CSMD1: variants seen among roughly 807,000 people sequenced by gnomAD.
The protein encoded by CSMD1 is CUB and sushi domain-containing protein 1.
A neutral mutation model predicts 417.5 loss-of-function variants in CSMD1; 213 were observed. The observed-to-expected ratio is 0.51, with a 90% CI of 0.46 to 0.57. The LOEUF (loss-of-function observed/expected upper bound fraction) is 0.57, where lower values mean the gene tolerates loss of function less well. Among genes scored for constraint, CSMD1 ranks in the 20% least tolerant of loss-of-function variants. CSMD1 has a pLI of 0.00. For missense variants in CSMD1, 6,923 were observed against 4,529.7 expected (o/e 1.53, Z -15.17); for synonymous variants, 2,862 against 1,736.8 (o/e 1.65, Z -16.11).
At chr8:4,552,850 T>C (rs1797932983) in intron 2 of CSMD1, among the ~76,000 whole-genome samples, 3 of 152,178 alleles carry the variant, frequency 2.0e-5, no homozygotes. Context: ...GCTGGATGTT[T>C]GTGAAAATCT....
At position 4,400,098 on chromosome 8, in the gene CSMD1, T is replaced by G. The variant is rs376673516; in HGVS notation, c.415+19855A>C. 1.2e-4 allele frequency among the ~76,000 whole-genome samples: 18 copies of G among 152,230 alleles called. No individual in the cohort carries two copies. The South Asian group carries it at 3.3e-3, about 28-fold the overall frequency. On this transcript the variant is annotated intron_variant, in intron 3 of 69. Coordinates refer to ENST00000635120, the MANE Select transcript of CSMD1 (RefSeq NM_033225.6). The stretch of plus-strand genomic sequence containing the variant: ...AAGAGAGATCTAAATACGAGTACAT[T>G]AAAATAGTGTATACTCTCTGCTCTA...
chr8:3,461,942 C>T (rs1326283564), intron 12 of CSMD1, among the ~76,000 whole-genome samples: 1 of 152,222 alleles, frequency 6.6e-6, no homozygotes, highest in African/African-American at 2.4e-5. Context: ...GAGGCAGATC[C>T]TCACATGGGC....
At position 3,641,212 on chromosome 8, in the gene CSMD1, G is replaced by A. The variant is rs540565252; in HGVS notation, c.1010-24415C>T. Among the ~76,000 whole-genome samples, 6 of 152,018 alleles carry A rather than the reference G, an allele frequency of 3.9e-5. No homozygotes were observed. The South Asian group carries it at 1.2e-3, about 32-fold the overall frequency. On this transcript the variant is annotated intron_variant, in intron 7 of 69. Transcript: ENST00000635120. The stretch of plus-strand genomic sequence containing the variant: ...TGACTGGGGTACATTGCCTTTTCCA[G>A]ACTTTCCACTTGGCTGCTTCTCTGT...
rs1394941868 is a variant in CSMD1, at chr8:3,087,189, G to A, written c.7382C>T (p.Pro2461Leu). Residue 2461 changes from proline to leucine, a missense_variant, in exon 49 of 70, where the codon CCT (proline) becomes CTT (leucine). Coordinates refer to ENST00000635120, the MANE Select transcript of CSMD1 (RefSeq NM_033225.6). ...VGSKVHYFCK[P>L]GYRMVGHSNA... ...GCTGTGGCCGACCATTCGGTATCCA[G>A]GCTTGCAAAAATAATGCACTTTGCT... 1 of 1,613,958 alleles carries A rather than the reference G, an allele frequency of 6.2e-7. No individual in the cohort carries two copies. Among genetic ancestry groups the A allele is most frequent in the Middle Eastern group, 1.7e-4 (1 of 6,040 alleles).
intron 1 of CSMD1, among the ~76,000 whole-genome samples, chr8:4,645,659 G>C (rs2130880060): frequency 6.6e-6 from 1 of 152,084 alleles, no homozygotes; most frequent in South Asian, 2.1e-4. Flanking sequence ...TAGGAAGCAG[G>C]GGTAGACACA....
At chr8:4,458,684 A>G (rs918607755) in intron 2 of CSMD1, among the ~76,000 whole-genome samples, 11 of 152,212 alleles carry the variant, frequency 7.2e-5, no homozygotes, top group African/African-American at 2.7e-4. Flanking sequence ...ACTAACCAAA[A>G]CTGCAGCAAA....
intron 26 of CSMD1, among the ~76,000 whole-genome samples, chr8:3,233,334 C>A (rs956096094): frequency 2.0e-5 from 3 of 152,170 alleles, no homozygotes; most frequent in Non-Finnish European, 2.9e-5. Context: ...GCATGCTCAG[C>A]CCCTCGCCAG....
intron 3 of CSMD1, among the ~76,000 whole-genome samples, chr8:4,331,374 T>G (rs1799860455): frequency 6.6e-6 from 1 of 152,170 alleles, no homozygotes; most frequent in Non-Finnish European, 1.5e-5. Context: ...GTCACGTGTG[T>G]TTGTTGCGAG....
intron 2 of CSMD1, among the ~76,000 whole-genome samples, chr8:4,575,587 G>A (rs932026395): frequency 2.0e-5 from 3 of 152,150 alleles, no homozygotes; most frequent in Non-Finnish European, 4.4e-5. Context: ...TGTCCACTGT[G>A]AATTCATTAT....
intron 17 of CSMD1, among the ~76,000 whole-genome samples, chr8:3,390,604 C>G (rs1162018506): frequency 6.6e-6 from 1 of 151,912 alleles, no homozygotes; most frequent in Non-Finnish European, 1.5e-5. Flanking sequence ...CTCCTTCTTA[C>G]TTGAACCTTA....
At chr8:4,856,932 G>A (rs1347722216) in intron 1 of CSMD1, among the ~76,000 whole-genome samples, 1 of 152,016 alleles carries the variant, frequency 6.6e-6, no homozygotes. Flanking sequence ...GAAATCTACA[G>A]AACTCTCCAC....
intron 36 of CSMD1, among the ~76,000 whole-genome samples, chr8:3,182,481 C>G (rs1821397598): frequency 1.3e-5 from 2 of 152,092 alleles, no homozygotes; most frequent in Admixed American, 1.3e-4. Flanking sequence ...TCCCAAAGTC[C>G]TGGGATTACA....
In CSMD1 at chr8:3,201,705, A is replaced by G. The variant is rs773371899; in HGVS notation, c.5005T>C (p.Tyr1669His). ...KEFVVFGQFAYFQTALNDLAE... is the reference protein window; with the variant it reads ...KEFVVFGQFAHFQTALNDLAE... ...AAATCATTCAGGGCTGTCTGGAAATAGGCAAACTGTCCAAAGACCACTAAA... is the reference window on the plus strand; with the variant it reads ...AAATCATTCAGGGCTGTCTGGAAATGGGCAAACTGTCCAAAGACCACTAAA... Residue 1669 changes from tyrosine to histidine, a missense_variant, in exon 32 of 70, where the codon TAT (tyrosine) becomes CAT (histidine). Tyr to His is a moderately conservative substitution (Grantham distance 83, BLOSUM62 2). Coordinates refer to ENST00000635120, the MANE Select transcript of CSMD1 (RefSeq NM_033225.6). 1 of 1,601,138 alleles carries G rather than the reference A, an allele frequency of 6.2e-7. No individual in the cohort carries two copies. The highest frequency in any genetic ancestry group is 8.5e-7 in the Non-Finnish European group (1 of 1,173,284).
intron 12 of CSMD1, among the ~76,000 whole-genome samples, chr8:3,441,160 T>C (rs1452537238): frequency 2.0e-5 from 3 of 152,096 alleles, no homozygotes; most frequent in Admixed American, 2.0e-4. Flanking sequence ...GGAGACACTG[T>C]AAGCTGTAAA....
intron 2 of CSMD1, among the ~76,000 whole-genome samples, chr8:4,609,320 G>C (rs1801046324): frequency 6.6e-6 from 1 of 152,136 alleles, no homozygotes; most frequent in African/African-American, 2.4e-5. Flanking sequence ...AGGATTGCTG[G>C]AGCCTGGGAG....
At chr8:3,488,192 T>G (rs780558623) in intron 11 of CSMD1, among the ~76,000 whole-genome samples, 1 of 152,040 alleles carries the variant, frequency 6.6e-6, no homozygotes, top group Non-Finnish European at 1.5e-5. Context: ...AGCCTTGATC[T>G]CCTGGGCACA....
Position 4,045,828 on chromosome 8 carries a change from AT to A in CSMD1, c.416-13730del, listed in dbSNP as rs373616726. On this transcript the variant is annotated intron_variant, in intron 3 of 69. Coordinates refer to ENST00000635120, the MANE Select transcript of CSMD1 (RefSeq NM_033225.6). ...GACATGGCTTCTCAGCATCTTCATC[AT>A]CCCCTTTTTCTTTCAGACTCTGGCA... 4.2e-3 allele frequency among the ~76,000 whole-genome samples: 638 copies of A among 152,198 alleles called. 5 individuals are homozygous for A. Among genetic ancestry groups the A allele is most frequent in the African/African-American group, 0.014 (597 of 41,536 alleles).
intron 51 of CSMD1, among the ~76,000 whole-genome samples, chr8:3,021,919 A>ACCGG (rs1809446349): frequency 1.5e-5 from 2 of 136,400 alleles, no homozygotes; most frequent in Admixed American, 1.5e-4. Flanking sequence ...TCCAGAATGC[A>ACCGG]CAATCCCACA....
chr8:4,053,707 G>A (rs771533761), intron 3 of CSMD1, among the ~76,000 whole-genome samples: 1 of 152,062 alleles, frequency 6.6e-6, no homozygotes, highest in Non-Finnish European at 1.5e-5. Flanking sequence ...CATCATGGCA[G>A]TAGGAGGAAA....
Sources: gnomAD v4.1 joint callset for allele counts (sites outside exome capture counted in the v4.1 genomes callset) on GRCh38, gnomAD v4.1.1 for gene constraint, MANE v1.5 for transcripts, NCBI Gene and HGNC (gene_info 2026-07-23, HGNC 2026-07-21) for gene names.